The following ALCAM variants were observed in gnomAD, a reference collection of about 807,000 sequenced individuals.
ALCAM encodes CD166 antigen.
In ALCAM, 30 loss-of-function variants were observed where a neutral mutation model predicts 70.9. The ratio of observed to expected loss-of-function variants is 0.42; its 90% confidence interval spans 0.32 to 0.57. ALCAM has a LOEUF of 0.57. ALCAM is among the 20% of genes least tolerant of loss of function. ALCAM has a pLI of 0.11. For synonymous variants in ALCAM, 249 were observed against 242.5 expected (o/e 1.03, Z -0.25); for missense variants, 591 against 695.1 (o/e 0.85, Z 1.68).
At position 105,563,964 on chromosome 3, in the gene ALCAM, G is replaced by A. The variant is rs1940688823; in HGVS notation, c.1665-7888G>A. Among the ~76,000 whole-genome samples the A allele has an allele frequency of 2.0e-5, 3 of 151,862 alleles. No individual in the cohort carries two copies. The East Asian group carries it at 5.8e-4, about 29-fold the overall frequency. ...GGCCTCCCAAAGTGCTGGGACTACAGGCGTGAGCCACCGCGCCCGGCCCAT... is the reference window on the plus strand; with the variant it reads ...GGCCTCCCAAAGTGCTGGGACTACAAGCGTGAGCCACCGCGCCCGGCCCAT... On this transcript the variant is annotated intron_variant, in intron 14 of 15. Coordinates refer to ENST00000306107, the MANE Select transcript of ALCAM (RefSeq NM_001627.4).
chr3:105,435,921 A>G (rs1454338950), intron 1 of ALCAM, among the ~76,000 whole-genome samples: 1 of 152,016 alleles, frequency 6.6e-6, no homozygotes, highest in African/African-American at 2.4e-5. Context: ...CTCCCGAAAA[A>G]GAGGTTTAAT....
chr3:105,566,827 A>T (rs188472630), intron 14 of ALCAM, among the ~76,000 whole-genome samples: 2 of 152,292 alleles, frequency 1.3e-5, no homozygotes, highest in Admixed American at 1.3e-4. Flanking sequence ...GTCTTTTAAA[A>T]TATTTTACAT....
intron 1 of ALCAM, among the ~76,000 whole-genome samples, chr3:105,458,838 A>G (rs940667375): frequency 6.6e-6 from 1 of 152,096 alleles, no homozygotes; most frequent in Non-Finnish European, 1.5e-5. Context: ...GGCTTATGTC[A>G]TCTTACATGG....
intron 12 of ALCAM, 99 bp downstream of exon 12, chr3:105,550,358 G>A: frequency 3.3e-6 from 4 of 1,204,574 alleles, no homozygotes; most frequent in Non-Finnish European, 4.6e-6. Flanking sequence ...CTGCATTATG[G>A]TAAGTTTTAT....
intron 7 of ALCAM, among the ~76,000 whole-genome samples, chr3:105,541,192 C>T (rs1940106006): frequency 6.6e-6 from 1 of 150,886 alleles, no homozygotes; most frequent in African/African-American, 2.4e-5. Context: ...TCATTCTTCT[C>T]ATTTCATCCT....
chr3:105,425,043 A>G (rs181950461), intron 1 of ALCAM, among the ~76,000 whole-genome samples: 15 of 151,508 alleles, frequency 9.9e-5, no homozygotes, highest in Non-Finnish European at 1.5e-4. Context: ...CCTCCAACCT[A>G]TGAGTGCCAT....
At chr3:105,520,029 C>T (rs769951556) in intron 1 of ALCAM, 38 bp from the exon 2 acceptor site, 16 of 1,404,258 alleles carry the variant, frequency 1.1e-5, no homozygotes, top group Non-Finnish European at 1.4e-5. Context: ...TGTTCTCTCT[C>T]TCTTTCTCTC....
intron 1 of ALCAM, among the ~76,000 whole-genome samples, chr3:105,479,134 T>C (rs1028174786): frequency 3.3e-5 from 5 of 152,160 alleles, no homozygotes; most frequent in African/African-American, 1.2e-4. Context: ...TTTCTTTAAA[T>C]AAAATTCATA....
At chr3:105,383,846 G>T (rs1348265496) in intron 1 of ALCAM, among the ~76,000 whole-genome samples, 2 of 151,556 alleles carry the variant, frequency 1.3e-5, no homozygotes, top group Non-Finnish European at 3.0e-5. Context: ...TCTCCCACAG[G>T]ATAATTGTAG....
At chr3:105,556,889 A>G (rs1477670563) in intron 14 of ALCAM, among the ~76,000 whole-genome samples, 1 of 151,774 alleles carries the variant, frequency 6.6e-6, no homozygotes, top group Non-Finnish European at 1.5e-5. Context: ...CTGCATGAGA[A>G]CCTACCGTTT....
chr3:105,500,472 T>C (rs763279013), intron 1 of ALCAM, among the ~76,000 whole-genome samples: 2 of 152,200 alleles, frequency 1.3e-5, no homozygotes, highest in Non-Finnish European at 2.9e-5. Context: ...AAAATGCTGA[T>C]ACAATATTTA....
intron 1 of ALCAM, among the ~76,000 whole-genome samples, chr3:105,481,936 A>C (rs1267686022): frequency 6.6e-6 from 1 of 152,168 alleles, no homozygotes; most frequent in African/African-American, 2.4e-5. Context: ...TCGCTTTTTC[A>C]CTATTTACTG....
At chr3:105,448,433 G>A (rs143232289) in intron 1 of ALCAM, among the ~76,000 whole-genome samples, 4 of 149,018 alleles carry the variant, frequency 2.7e-5, no homozygotes, top group Non-Finnish European at 4.4e-5. Context: ...GTAATCTTTC[G>A]AATCTTTTTT....
intron 1 of ALCAM, among the ~76,000 whole-genome samples, chr3:105,433,389 G>A (rs1431469981): frequency 6.6e-6 from 1 of 152,148 alleles, no homozygotes; most frequent in Non-Finnish European, 1.5e-5. Flanking sequence ...GAAAACCAGT[G>A]ATGTCCAAGT....
chr3:105,366,926 G>A lies in ALCAM; in HGVS notation c.-483G>A. ...CTCTACTCAGAGCAGCCCGGAGACC[G>A]CTGCCGCCGCTGCCGCTGCTACCAC... On this transcript the variant is annotated 5_prime_UTR_variant, in exon 1 of 16. Coordinates refer to ENST00000306107, the MANE Select transcript of ALCAM (RefSeq NM_001627.4). The A allele has an allele frequency of 6.2e-6, 1 of 160,822 alleles. No individual in the cohort carries two copies. The highest frequency in any genetic ancestry group is 1.4e-4 in the South Asian group (1 of 7,150). 10.0% of individuals were successfully genotyped at this position (160,822 alleles called of 1,614,324 possible).
intron 14 of ALCAM, among the ~76,000 whole-genome samples, chr3:105,560,315 A>G (rs1013634658): frequency 1.3e-5 from 2 of 152,202 alleles, no homozygotes; most frequent in African/African-American, 4.8e-5. Context: ...CCATAAATGT[A>G]TAGGCTATCT....
intron 1 of ALCAM, among the ~76,000 whole-genome samples, chr3:105,458,039 G>T (rs1381767414): frequency 1.3e-5 from 2 of 150,714 alleles, no homozygotes; most frequent in Admixed American, 6.6e-5. Context: ...TAGTTTCTTA[G>T]AGCTATTTTT....
intron 1 of ALCAM, among the ~76,000 whole-genome samples, chr3:105,394,727 A>G (rs1261733107): frequency 1.3e-5 from 2 of 151,974 alleles, no homozygotes; most frequent in Non-Finnish European, 2.9e-5. Context: ...CTATAGATTT[A>G]TTGACATCTG....
chr3:105,465,428 ATAAT>A (rs1369666103), intron 1 of ALCAM, among the ~76,000 whole-genome samples: 1 of 151,466 alleles, frequency 6.6e-6, no homozygotes, highest in East Asian at 1.9e-4. Flanking sequence ...CTGTGGAATG[ATAAT>A]TAGAGCCCTA....
Sources: gnomAD v4.1 joint callset for allele counts (sites outside exome capture counted in the v4.1 genomes callset) on GRCh38, gnomAD v4.1.1 for gene constraint, MANE v1.5 for transcripts, NCBI Gene and HGNC (gene_info 2026-07-23, HGNC 2026-07-21) for gene names.